RAB11FIP2: variants seen among roughly 807,000 people sequenced by gnomAD.
RAB11FIP2 encodes the protein rab11 family-interacting protein 2.
In RAB11FIP2, 16 loss-of-function variants were observed where a neutral mutation model predicts 40.9. That is an observed-to-expected ratio of 0.39 (90% confidence interval 0.26 to 0.59). The LOEUF (loss-of-function observed/expected upper bound fraction) is 0.59, where lower values mean the gene tolerates loss of function less well. RAB11FIP2 is among the 20% of genes least tolerant of loss of function. The pLI is 0.53. For synonymous variants in RAB11FIP2, 228 were observed against 213.7 expected, an observed-to-expected ratio of 1.07 and a Z score of -0.58; for missense variants, 532 against 606.2, an observed-to-expected ratio of 0.88 and a Z score of 1.28.
intron 4 of RAB11FIP2, among the ~76,000 whole-genome samples, chr10:118,012,528 C>CAT (rs148960599): frequency 1.9e-3 from 293 of 150,490 alleles, no homozygotes; most frequent in Non-Finnish European, 3.1e-3. Flanking sequence ...ATATACTCCA[C>CAT]ATATATATAT....
intron 4 of RAB11FIP2, among the ~76,000 whole-genome samples, chr10:118,009,467 T>C (rs1589635855): frequency 6.6e-6 from 1 of 152,258 alleles, no homozygotes; most frequent in South Asian, 2.1e-4. Flanking sequence ...TTGTGGGCAA[T>C]TTCCTAATAT....
intron 3 of RAB11FIP2, among the ~76,000 whole-genome samples, chr10:118,034,791 C>G (rs933725055): frequency 2.0e-5 from 3 of 152,146 alleles, no homozygotes; most frequent in Non-Finnish European, 4.4e-5. Context: ...TACAAGAACT[C>G]CAACACTACT....
At chr10:118,017,896 T>C (rs1321326496) in intron 3 of RAB11FIP2, 1 of 152,198 alleles carries the variant, frequency 6.6e-6, no homozygotes, top group Non-Finnish European at 1.5e-5. Context: ...ACTAACCATA[T>C]GTAGTAGCCA....
intron 1 of RAB11FIP2, among the ~76,000 whole-genome samples, chr10:118,042,526 G>A (rs1846573805): frequency 1.3e-5 from 2 of 152,230 alleles, no homozygotes; most frequent in African/African-American, 2.4e-5. Context: ...TAACCACATG[G>A]CTGGCACATA....
chr10:118,045,354 G>GA (rs1846615033), intron 1 of RAB11FIP2: 1 of 157,364 alleles, frequency 6.4e-6, no homozygotes, highest in Non-Finnish European at 1.4e-5. Flanking sequence ...ACGCTGAAAC[G>GA]AAATACTGAG....
At chr10:118,044,052 T>G (rs965381030) in intron 1 of RAB11FIP2, among the ~76,000 whole-genome samples, 4 of 152,218 alleles carry the variant, frequency 2.6e-5, no homozygotes, top group Admixed American at 2.6e-4. Flanking sequence ...CCCCTAAAGT[T>G]CTAATCAATT....
At chr10:118,020,992 T>C (rs967834735) in intron 3 of RAB11FIP2, among the ~76,000 whole-genome samples, 1 of 152,160 alleles carries the variant, frequency 6.6e-6, no homozygotes, top group East Asian at 1.9e-4. Context: ...CTACTTATTT[T>C]AACTTTTTTT....
At chr10:118,022,161 T>A (rs546295024) in intron 3 of RAB11FIP2, among the ~76,000 whole-genome samples, 1 of 152,226 alleles carries the variant, frequency 6.6e-6, no homozygotes, top group Non-Finnish European at 1.5e-5. Context: ...TCAGCTTACA[T>A]GCCTCACAAA....
chr10:118,038,554 C>A (rs959610808), intron 3 of RAB11FIP2, among the ~76,000 whole-genome samples: 1 of 151,994 alleles, frequency 6.6e-6, no homozygotes, highest in African/African-American at 2.4e-5. Context: ...CTGAAGCTGG[C>A]GTTTTTTAAA....
At position 118,006,473 on chromosome 10, in the gene RAB11FIP2, C is replaced by T. The variant is rs972130290; in HGVS notation, c.*2525G>A. 1 of 152,038 alleles carries T rather than the reference C, an allele frequency of 6.6e-6. No homozygotes were observed. The highest frequency in any genetic ancestry group is 1.5e-5 in the Non-Finnish European group (1 of 67,958). 9.4% of individuals were successfully genotyped at this position (152,038 alleles called of 1,614,324 possible). ...CCATTTCTAAGCAACTAACAAAATA[C>T]ATTAGAATACCTAAAGTTATGTTTT... On this transcript the variant is annotated 3_prime_UTR_variant, in exon 5 of 5. Coordinates refer to ENST00000355624, the MANE Select transcript of RAB11FIP2 (RefSeq NM_014904.3).
At position 118,006,970 on chromosome 10, in the gene RAB11FIP2, T is replaced by C. The variant is rs1846097530; in HGVS notation, c.*2028A>G. 6.6e-6 allele frequency: 1 copy of C among 152,404 alleles called. No individual in the cohort carries two copies. Among genetic ancestry groups the C allele is most frequent in the African/African-American group, 2.4e-5 (1 of 41,418 alleles). 9.4% of individuals were successfully genotyped at this position (152,404 alleles called of 1,614,324 possible). A position where few individuals can be genotyped will look rare whatever the true frequency, so the allele number is the denominator to read the frequency against. On this transcript the variant is annotated 3_prime_UTR_variant, in exon 5 of 5. Coordinates refer to ENST00000355624, the MANE Select transcript of RAB11FIP2 (RefSeq NM_014904.3). ...GTAAAACATATCCCCAATACAAAAC[T>C]GACATCTTGGTTCACTCTATAAACA...
chr10:118,015,399 T>C (rs1274432758), intron 3 of RAB11FIP2, among the ~76,000 whole-genome samples: 1 of 152,204 alleles, frequency 6.6e-6, no homozygotes, highest in African/African-American at 2.4e-5. Flanking sequence ...CAGCAAGATA[T>C]TTTGCAAAAC....
chr10:118,034,542 A>T (rs568404479), intron 3 of RAB11FIP2, among the ~76,000 whole-genome samples: 3 of 152,148 alleles, frequency 2.0e-5, no homozygotes, highest in African/African-American at 7.2e-5. Context: ...ACATTCAGGC[A>T]TATTTGTTTT....
chr10:118,045,439 C>T (rs1205482812), intron 1 of RAB11FIP2: 1 of 171,562 alleles, frequency 5.8e-6, no homozygotes, highest in African/African-American at 2.4e-5. Context: ...GATTTAATTT[C>T]TCATCTTCCA....
rs140381161 is a variant in RAB11FIP2, at chr10:118,039,092, C to T, written c.1145G>A (p.Ser382Asn). Reference protein sequence around the residue: ...SDKLNNGGSDSPCDLKSPNAF... With the variant: ...SDKLNNGGSDNPCDLKSPNAF... ...ATTAGGTGATTTCAAGTCACAAGGG[C>T]TATCAGATCCCCCATTGTTAAGTTT... Residue 382 changes from serine (S) to asparagine (N), a missense_variant, in exon 3 of 5, where the codon AGC becomes AAC. Transcript: ENST00000355624. The T allele has an allele frequency of 1.4e-4, 221 of 1,613,558 alleles. No individual in the cohort carries two copies. The highest frequency in any genetic ancestry group is 1.7e-4 in the Non-Finnish European group (202 of 1,179,736).
At chr10:118,045,322 T>C (rs1290101680) in intron 1 of RAB11FIP2, 1 of 154,574 alleles carries the variant, frequency 6.5e-6, no homozygotes, top group Admixed American at 6.4e-5. Flanking sequence ...ATGGCTGAGC[T>C]AAAATAAAAG....
At position 118,024,470 on chromosome 10, in the gene RAB11FIP2, C is replaced by CGTGTGTGTGTGTGT. The variant is rs55723398; in HGVS notation, c.1266-9374_1266-9361dup. On this transcript the variant is annotated intron_variant, in intron 3 of 4. Transcript: ENST00000355624. Reference sequence around the variant, plus strand: ...CTACGTATCCATTAGTCATCATCATCGTGTGTGTGTGTGTGTGTGTGTGTG... The same window carrying CGTGTGTGTGTGTGT: ...CTACGTATCCATTAGTCATCATCATCGTGTGTGTGTGTGTGTGTGTGTGTGTGTGTGTGTGTGTG... Among the ~76,000 whole-genome samples, 1,160 of 131,776 alleles carry CGTGTGTGTGTGTGT rather than the reference C, an allele frequency of 8.8e-3. 15 individuals are homozygous for CGTGTGTGTGTGTGT. The highest frequency in any genetic ancestry group is 0.018 in the African/African-American group (628 of 34,570). 86.5% of individuals were successfully genotyped at this position (131,776 alleles called of 152,430 possible). A position where few individuals can be genotyped will look rare whatever the true frequency, so the allele number is the denominator to read the frequency against.
chr10:118,021,168 T>C (rs1846279901), intron 3 of RAB11FIP2, among the ~76,000 whole-genome samples: 1 of 152,336 alleles, frequency 6.6e-6, no homozygotes, highest in Non-Finnish European at 1.5e-5. Context: ...CAAAATTATT[T>C]TCCATTTAGG....
At chr10:118,044,251 T>C (rs778842933) in intron 1 of RAB11FIP2, among the ~76,000 whole-genome samples, 17 of 152,172 alleles carry the variant, frequency 1.1e-4, no homozygotes, top group South Asian at 6.2e-4. Flanking sequence ...GGAAAATTTA[T>C]GTTTCAGAGA....
Sources: gnomAD v4.1 joint callset for allele counts (sites outside exome capture counted in the v4.1 genomes callset) on GRCh38, gnomAD v4.1.1 for gene constraint, MANE v1.5 for transcripts, NCBI Gene and HGNC (gene_info 2026-07-23, HGNC 2026-07-21) for gene names.